The following SMG9 variants were observed in gnomAD, a reference collection of about 807,000 sequenced individuals.
SMG9 encodes the protein SMG9 nonsense mediated mRNA decay factor.
A neutral mutation model predicts 64.0 loss-of-function variants in SMG9; 55 were observed. The ratio of observed to expected loss-of-function variants is 0.86; its 90% CI spans 0.69 to 1.08. The LOEUF (loss-of-function observed/expected upper bound fraction) is 1.08. SMG9 is among the 50% of genes least tolerant of loss of function. SMG9 has a pLI of 0.00. For synonymous variants in SMG9, 244 were observed against 254.8 expected (o/e 0.96, Z 0.41); for missense variants, 554 against 681.3 (o/e 0.81, Z 2.08).
intron 2 of SMG9, among the ~76,000 whole-genome samples, chr19:43,749,651 T>G (rs1969134234): frequency 6.6e-6 from 1 of 152,144 alleles, no homozygotes; most frequent in Non-Finnish European, 1.5e-5. Flanking sequence ...GTCACCTACT[T>G]CCACCCTACC....
At chr19:43,751,812 G>A (rs1043550222) in intron 1 of SMG9, among the ~76,000 whole-genome samples, 1 of 152,150 alleles carries the variant, frequency 6.6e-6, no homozygotes, top group Non-Finnish European at 1.5e-5. Context: ...AAGGTTGGGG[G>A]GTTCCACGTT....
chr19:43,733,038 A>G (rs1380894933), intron 12 of SMG9, 36 bp from the exon 13 acceptor site: 10 of 1,570,708 alleles, frequency 6.4e-6, no homozygotes, highest in South Asian at 1.2e-5. Flanking sequence ...AGAGGGATAG[A>G]CTGCCAGGGT....
intron 8 of SMG9, 122 bp downstream of exon 8, chr19:43,738,000 G>A (rs1461538201): frequency 4.3e-6 from 4 of 926,950 alleles, no homozygotes; most frequent in South Asian, 1.4e-5. Context: ...TAGCCCTTGG[G>A]GCAGCCAGGG....
At chr19:43,754,031 C>T (rs1969278665) in intron 1 of SMG9, among the ~76,000 whole-genome samples, 1 of 152,116 alleles carries the variant, frequency 6.6e-6, no homozygotes, top group Non-Finnish European at 1.5e-5. Flanking sequence ...TAAGTGTCTG[C>T]TGATGGACTT....
chr19:43,736,575 G>A (rs748160299), intron 9 of SMG9, among the ~76,000 whole-genome samples: 2 of 152,186 alleles, frequency 1.3e-5, no homozygotes, highest in Non-Finnish European at 1.5e-5. Context: ...GAGGGCACAC[G>A]AGCCTGAAGG....
rs145877098 is a variant in SMG9 at position 43,735,424 on chromosome 19, C to A, written c.996-929G>T. On this transcript the variant is annotated intron_variant, in intron 9 of 13. Transcript: ENST00000270066. ...CCTGAAGTCAGGAGTTCGAGACCAG[C>A]CTGGCCAACATCGCGAAACTGTGTC... 2.6e-3 allele frequency among the ~76,000 whole-genome samples: 392 copies of A among 152,052 alleles called. 2 individuals carry two copies. Among genetic ancestry groups the A allele is most frequent in the African/African-American group, 9.2e-3 (380 of 41,474 alleles).
Position 43,731,705 on chromosome 19 carries a change from G to A in SMG9, c.1485-31C>T, listed in dbSNP as rs772212944. On this transcript the variant is annotated intron_variant, in intron 13 of 13. Transcript: ENST00000270066. ...AGGAGGCCAACAGTCAGGGCTGCCT[G>A]GCCGGGGCTCCCCCCAGCCCAGCAC... The A allele has an allele frequency of 2.1e-5, 34 of 1,613,924 alleles. No homozygotes were observed. The South Asian group carries it at 3.5e-4, about 17-fold the overall frequency.
intron 5 of SMG9, among the ~76,000 whole-genome samples, chr19:43,746,968 C>A (rs2146398101): frequency 6.6e-6 from 1 of 152,162 alleles, no homozygotes; most frequent in South Asian, 2.1e-4. Flanking sequence ...ATGCCTCCTG[C>A]CACCATGCCT....
At position 43,740,200 on chromosome 19, in the gene SMG9, G is replaced by T; in HGVS notation, c.720C>A (p.Ala240=). ...EEDQRTYVFR[A]QSAEMKERGG... ...CTCGTTCCTTCATTTCAGCGCTCTG[G>T]GCCCGGAAAACATAAGTCCTGTGGA... is the stretch of plus-strand genomic sequence containing the variant. Residue 240 remains alanine, a synonymous_variant, in exon 7 of 14, where the codon GCC becomes GCA. Coordinates refer to ENST00000270066, the MANE Select transcript of SMG9 (RefSeq NM_019108.4). 1 of 1,613,934 alleles carries T rather than the reference G, an allele frequency of 6.2e-7. No homozygotes were observed. Among genetic ancestry groups the T allele is most frequent in the Non-Finnish European group, 8.5e-7 (1 of 1,179,872 alleles).
At chr19:43,734,252 C>T in intron 10 of SMG9, 137 bp downstream of exon 10, 2 of 662,912 alleles carry the variant, frequency 3.0e-6, no homozygotes, top group South Asian at 1.9e-5. Flanking sequence ...TTTGACTTTG[C>T]TCCTCACAAC....
intron 7 of SMG9, 23 bp downstream of exon 7, chr19:43,740,084 G>A (rs747782689): frequency 1.3e-6 from 2 of 1,515,764 alleles, no homozygotes; most frequent in Non-Finnish European, 1.8e-6. Context: ...GCAGGGTGGG[G>A]CAAAGGCAGG....
At chr19:43,737,490 A>T in intron 9 of SMG9, 107 bp downstream of exon 9, 2 of 960,580 alleles carry the variant, frequency 2.1e-6, no homozygotes, top group Non-Finnish European at 3.1e-6. Context: ...CTTACATTTT[A>T]AAAGGATCCC....
At chr19:43,743,322 G>A (rs1176864952) in intron 6 of SMG9, among the ~76,000 whole-genome samples, 1 of 152,214 alleles carries the variant, frequency 6.6e-6, no homozygotes, top group Non-Finnish European at 1.5e-5. Context: ...ACTGAGTCAT[G>A]AGTGAGCAGA....
chr19:43,742,529 G>T (rs929677648), intron 6 of SMG9, among the ~76,000 whole-genome samples: 4 of 152,188 alleles, frequency 2.6e-5, no homozygotes, highest in Admixed American at 1.3e-4. Context: ...CTAACGTGCC[G>T]AATAGTGTGT....
At position 43,732,928 on chromosome 19, in the gene SMG9, T is replaced by C; in HGVS notation, c.1414A>G (p.Lys472Glu). The C allele has an allele frequency of 6.2e-7, 1 of 1,613,920 alleles. No individual in the cohort carries two copies. The highest frequency in any genetic ancestry group is 8.5e-7 in the Non-Finnish European group (1 of 1,179,968). The change falls in exon 13 of 14, where the codon AAG (lysine) becomes GAG (glutamate). Residue 472 changes from lysine to glutamate, a missense_variant. Coordinates refer to ENST00000270066, the MANE Select transcript of SMG9 (RefSeq NM_019108.4). ...GHPSFQSLVS[K>E]LRSQVMSMAR... ...ATGGACATCACTTGGCTCCGGAGCT[T>C]GCTCACCAAGGACTGGAAACTGGGG...
At chr19:43,735,646 T>C (rs948688315) in intron 9 of SMG9, among the ~76,000 whole-genome samples, 14 of 145,862 alleles carry the variant, frequency 9.6e-5, no homozygotes, top group Admixed American at 9.6e-4. Context: ...AAAATCTGTG[T>C]GGTTTTTTAG....
chr19:43,737,543 C>T (rs1968708579), intron 9 of SMG9, 54 bp downstream of exon 9: 1 of 1,515,002 alleles, frequency 6.6e-7, no homozygotes, highest in African/African-American at 1.4e-5. Flanking sequence ...GTCTCTGGGC[C>T]TTTGTCTCCT....
chr19:43,744,715 C>A, intron 6 of SMG9, 57 bp downstream of exon 6: 1 of 1,342,776 alleles, frequency 7.4e-7, no homozygotes, highest in Non-Finnish European at 1.0e-6. Context: ...GCCCACCTTG[C>A]CCCTGCTCCC....
At chr19:43,749,171 G>A (rs767612926) in intron 2 of SMG9, among the ~76,000 whole-genome samples, 15 of 152,220 alleles carry the variant, frequency 9.9e-5, no homozygotes, top group Non-Finnish European at 1.9e-4. Flanking sequence ...TGAACGCTGT[G>A]AGGGTAGAGA....
Sources: gnomAD v4.1 joint callset for allele counts (sites outside exome capture counted in the v4.1 genomes callset) on GRCh38, gnomAD v4.1.1 for gene constraint, MANE v1.5 for transcripts, NCBI Gene and HGNC (gene_info 2026-07-23, HGNC 2026-07-21) for gene names.